TRIM63: variants seen among roughly 807,000 people sequenced by gnomAD.
TRIM63 encodes E3 ubiquitin-protein ligase TRIM63.
TRIM63 carries 48 observed loss-of-function variants against 46.0 expected under a neutral mutation model. That is an observed-to-expected ratio of 1.04 (90% CI 0.83 to 1.33). The LOEUF (loss-of-function observed/expected upper bound fraction) is 1.33. TRIM63 is among the 40% of genes most tolerant of loss of function. TRIM63 has a pLI of 0.00. For synonymous variants in TRIM63, 175 were observed against 162.8 expected (o/e 1.08, Z -0.57); for missense variants, 455 against 441.2 (o/e 1.03, Z -0.28).
Position 26,057,552 on chromosome 1 carries a change from C to T in TRIM63, c.854+76G>A, listed in dbSNP as rs750956921. 24 of 1,534,118 alleles carry T rather than the reference C, an allele frequency of 1.6e-5. No homozygotes were observed. The East Asian group carries it at 5.0e-4, about 32-fold the overall frequency. Reference sequence around the variant, plus strand: ...GAGACCCTCCCAGCAGGCCTAATGCCCAGGATGAGGCTTCCTGGACAGAGG... The same window carrying T: ...GAGACCCTCCCAGCAGGCCTAATGCTCAGGATGAGGCTTCCTGGACAGAGG... On this transcript the variant is annotated intron_variant, in intron 6 of 8. Coordinates refer to ENST00000374272, the MANE Select transcript of TRIM63 (RefSeq NM_032588.4).
intron 5 of TRIM63, among the ~76,000 whole-genome samples, chr1:26,058,122 G>C (rs11810880): frequency 0.012 from 1,757 of 152,234 alleles, 31 homozygotes; most frequent in African/African-American, 0.04. Flanking sequence ...CCTACAGTAG[G>C]GGCTCAATTA....
intron 4 of TRIM63, among the ~76,000 whole-genome samples, 182 bp from the exon 5 acceptor site, chr1:26,058,805 T>C (rs2050595888): frequency 6.6e-6 from 1 of 152,172 alleles, no homozygotes; most frequent in Non-Finnish European, 1.5e-5. Flanking sequence ...GCCTCACAGC[T>C]ATTTAGTACG....
At chr1:26,058,242 GC>G (rs2050590050) in intron 5 of TRIM63, 147 bp downstream of exon 5, 1 of 667,490 alleles carries the variant, frequency 1.5e-6, no homozygotes, top group South Asian at 1.8e-5. Context: ...GGTGTTACAT[GC>G]CCATTTGACA....
At chr1:26,055,212 C>A (rs2050560374) in intron 7 of TRIM63, among the ~76,000 whole-genome samples, 2 of 152,232 alleles carry the variant, frequency 1.3e-5, no homozygotes, top group African/African-American at 4.8e-5. Context: ...TCTGCACAGG[C>A]TACTTGCCAG....
chr1:26,066,363 G>C lies in TRIM63; in HGVS notation c.237C>G (p.Arg79=), dbSNP rs2050678032. Residue 79 remains arginine (R), a synonymous_variant, in exon 2 of 9, where the codon CGC becomes CGG. Coordinates refer to ENST00000374272, the MANE Select transcript of TRIM63 (RefSeq NM_032588.4). ...CGTGACGATCCATGATCACCTCGTG[G>C]CGGCAGGTGGGGCAGCGGAAACGGC... The part of the protein sequence containing the change: ...SGGRFRCPTC[R]HEVIMDRHGV... 1.2e-6 allele frequency: 2 copies of C among 1,613,998 alleles called. No homozygotes were observed. The highest frequency in any genetic ancestry group is 1.7e-6 in the Non-Finnish European group (2 of 1,179,902).
At position 26,051,591 on chromosome 1, in the gene TRIM63, A is replaced by G. The variant is rs529702960; in HGVS notation, c.*282T>C. ...ATATACAAGTATATACAAAAATCACATTTTAAAAATGTACAAAATATTCCA... is the reference window on the plus strand; with the variant it reads ...ATATACAAGTATATACAAAAATCACGTTTTAAAAATGTACAAAATATTCCA... On this transcript the variant is annotated 3_prime_UTR_variant, in exon 9 of 9. Coordinates refer to ENST00000374272, the MANE Select transcript of TRIM63 (RefSeq NM_032588.4). 1 of 328,884 alleles carries G rather than the reference A, an allele frequency of 3.0e-6. No homozygotes were observed. Among genetic ancestry groups the G allele is most frequent in the East Asian group, 4.6e-5 (1 of 21,596 alleles). The allele number at this position is 328,884 out of a possible 1,614,324, so 20.4% of individuals were successfully genotyped here.
intron 4 of TRIM63, among the ~76,000 whole-genome samples, chr1:26,059,042 T>TG: frequency 6.7e-6 from 1 of 149,850 alleles, no homozygotes; most frequent in East Asian, 2.0e-4. Flanking sequence ...TTTTTTTTTT[T>TG]GAGATGGAGT....
At position 26,059,023 on chromosome 1, in the gene TRIM63, C is replaced by CTTTT. The variant is rs986591996; in HGVS notation, c.598-404_598-401dup. On this transcript the variant is annotated intron_variant, in intron 4 of 8. Transcript: ENST00000374272. ...ATCTGCCCTGTCTTTCTCTGTTGCCCTTTTTTTTTTTTTTTTTTTGAGATG... is the reference window on the plus strand; with the variant it reads ...ATCTGCCCTGTCTTTCTCTGTTGCCCTTTTTTTTTTTTTTTTTTTTTTTGAGATG... Among the ~76,000 whole-genome samples, 68 of 116,924 alleles carry CTTTT rather than the reference C, an allele frequency of 5.8e-4. 1 individual carries two copies. The highest frequency in any genetic ancestry group is 1.5e-3 in the African/African-American group (45 of 29,908). 76.7% of individuals were successfully genotyped at this position (116,924 alleles called of 152,430 possible).
intron 2 of TRIM63, among the ~76,000 whole-genome samples, chr1:26,065,002 T>TTGTGC (rs2050663626): frequency 6.6e-6 from 1 of 151,396 alleles, no homozygotes; most frequent in African/African-American, 2.4e-5. Flanking sequence ...TCCCAAATTT[T>TTGTGC]TGTGTTGTGT....
chr1:26,056,832 G>A (rs540830867), intron 7 of TRIM63, among the ~76,000 whole-genome samples: 3 of 150,150 alleles, frequency 2.0e-5, no homozygotes, highest in African/African-American at 4.9e-5. Flanking sequence ...GCACAATCTC[G>A]GCTCACTGCA....
Position 26,066,314 on chromosome 1 carries a change from G to C in TRIM63, c.286C>G (p.Leu96Val). 1 of 1,614,126 alleles carries C rather than the reference G, an allele frequency of 6.2e-7. No individual in the cohort carries two copies. The highest frequency in any genetic ancestry group is 8.5e-7 in the Non-Finnish European group (1 of 1,180,030). The change falls in exon 2 of 9, where the codon CTG becomes GTG. Residue 96 changes from leucine to valine, a missense_variant. Coordinates refer to ENST00000374272, the MANE Select transcript of TRIM63 (RefSeq NM_032588.4). ...ATGTCGATGATGTTCTCCACCAGCA[G>C]GTTCCTCTGCAGGCCGTACACTCCG... ...RHGVYGLQRN[L>V]LVENIIDIYK...
chr1:26,067,100 A>G (rs2050685482), intron 1 of TRIM63, among the ~76,000 whole-genome samples: 1 of 151,750 alleles, frequency 6.6e-6, no homozygotes, highest in African/African-American at 2.4e-5. Flanking sequence ...TGCTCAGGGC[A>G]GGGGTGGGGG....
In TRIM63 at chr1:26,066,260, G is replaced by A. The variant is rs776908532; in HGVS notation, c.332+8C>T. On this transcript the variant is annotated splice_region_variant and intron_variant, in intron 2 of 8. Transcript: ENST00000374272. ...GAGGGCGGGCCCCCAGCAGGCACGAGAACCGACCTGGAGCACTCCTGTTTG... is the reference window on the plus strand; with the variant it reads ...GAGGGCGGGCCCCCAGCAGGCACGAAAACCGACCTGGAGCACTCCTGTTTG... 7 of 1,613,922 alleles carry A rather than the reference G, an allele frequency of 4.3e-6. No homozygotes were observed. In the South Asian group the frequency reaches 5.5e-5, roughly 13 times the overall value.
intron 4 of TRIM63, among the ~76,000 whole-genome samples, chr1:26,058,925 C>T (rs1278329760): frequency 6.6e-6 from 1 of 152,132 alleles, no homozygotes; most frequent in African/African-American, 2.4e-5. Context: ...CTGCACCCTC[C>T]CCCTGTCCCC....
At chr1:26,061,986 G>C (rs987519051) in intron 2 of TRIM63, among the ~76,000 whole-genome samples, 2 of 152,180 alleles carry the variant, frequency 1.3e-5, no homozygotes, top group African/African-American at 4.8e-5. Flanking sequence ...AAATCAATAA[G>C]GCTGGGCGCA....
intron 8 of TRIM63, among the ~76,000 whole-genome samples, chr1:26,053,428 AT>A: frequency 6.6e-6 from 1 of 151,962 alleles, no homozygotes. Flanking sequence ...AATTTTTTGT[AT>A]GTTTAGTAGA....
rs367879339 is a variant in TRIM63, at chr1:26,066,245, C to T, written c.332+23G>A. The T allele has an allele frequency of 9.9e-6, 16 of 1,613,114 alleles. No homozygotes were observed. In the Admixed American group the frequency reaches 1.0e-4, roughly 10 times the overall value. On this transcript the variant is annotated intron_variant, in intron 2 of 8. Coordinates refer to ENST00000374272, the MANE Select transcript of TRIM63 (RefSeq NM_032588.4). ...AGCATGGCTGGGAAGGAGGGCGGGC[C>T]CCCAGCAGGCACGAGAACCGACCTG...
intron 3 of TRIM63, 37 bp downstream of exon 3, chr1:26,061,129 G>A (rs1269747083): frequency 1.9e-6 from 3 of 1,602,938 alleles, no homozygotes; most frequent in East Asian, 4.5e-5. Context: ...GTGCCCAGCA[G>A]GCCCAGGCTG....
intron 3 of TRIM63, among the ~76,000 whole-genome samples, chr1:26,060,931 C>G (rs542948955): frequency 3.9e-4 from 59 of 152,242 alleles, no homozygotes; most frequent in African/African-American, 1.3e-3. Context: ...GGCGTCTGAC[C>G]GCTCCCCTGT....
Sources: allele counts gnomAD v4.1 joint callset (sites outside exome capture counted in the v4.1 genomes callset), GRCh38; gene constraint gnomAD v4.1.1; transcripts MANE v1.5; gene names NCBI Gene and HGNC (gene_info 2026-07-23, HGNC 2026-07-21).